Variants in CNTNAP5 observed in about 807,000 individuals in gnomAD.
The protein encoded by CNTNAP5 is contactin-associated protein-like 5.
A neutral mutation model predicts 150.2 loss-of-function variants in CNTNAP5; 72 were observed. That is an observed-to-expected ratio of 0.48 (90% CI 0.40 to 0.58). The LOEUF is 0.58. Among genes scored for constraint, CNTNAP5 ranks in the 20% least tolerant of loss-of-function variants. The pLI is 0.00. For missense variants in CNTNAP5, 1,636 were observed against 1,626.2 expected, an observed-to-expected ratio of 1.01 and a Z score of -0.10; for synonymous variants, 672 against 619.8, an observed-to-expected ratio of 1.08 and a Z score of -1.25.
At chr2:124,035,985 C>G (rs1291999793) in intron 1 of CNTNAP5, among the ~76,000 whole-genome samples, 1 of 125,232 alleles carries the variant, frequency 8.0e-6, no homozygotes, top group South Asian at 2.7e-4. Context: ...ACTGCAGTGG[C>G]GCAATCTCGG....
At chr2:124,126,603 C>CA (rs1045655949) in intron 1 of CNTNAP5, among the ~76,000 whole-genome samples, 2 of 149,692 alleles carry the variant, frequency 1.3e-5, no homozygotes, top group South Asian at 2.1e-4. Flanking sequence ...AGAGACACAA[C>CA]AAAAAAAGAG....
Position 124,609,932 on chromosome 2 carries a change from G to A in CNTNAP5, c.1876+12G>A. ...CTGCAATATCACTGGTAAGGGTGCA[G>A]TAGCCCTACTCACACTTAACCACCC... On this transcript the variant is annotated intron_variant, in intron 12 of 23. Transcript: ENST00000682447. The A allele has an allele frequency of 6.2e-7, 1 of 1,610,152 alleles. No homozygotes were observed. The highest frequency in any genetic ancestry group is 8.5e-7 in the Non-Finnish European group (1 of 1,176,900).
intron 1 of CNTNAP5, among the ~76,000 whole-genome samples, chr2:124,062,045 C>T (rs540847415): frequency 1.6e-5 from 2 of 123,486 alleles, no homozygotes; most frequent in East Asian, 2.5e-4. Context: ...CCACAGCCTC[C>T]GAGAGGTCTT....
At chr2:124,809,445 C>T (rs565795189) in intron 19 of CNTNAP5, among the ~76,000 whole-genome samples, 11 of 151,612 alleles carry the variant, frequency 7.3e-5, no homozygotes, top group Non-Finnish European at 1.3e-4. Context: ...GTCTCTCTCT[C>T]GCCCAGGCTG....
intron 18 of CNTNAP5, among the ~76,000 whole-genome samples, chr2:124,795,736 C>T (rs1036840419): frequency 2.6e-5 from 4 of 152,064 alleles, no homozygotes; most frequent in Non-Finnish European, 4.4e-5. Context: ...CAGGCTGGCC[C>T]GAACTCCTGA....
At chr2:124,638,834 A>G (rs942266075) in intron 12 of CNTNAP5, among the ~76,000 whole-genome samples, 1 of 152,180 alleles carries the variant, frequency 6.6e-6, no homozygotes, top group African/African-American at 2.4e-5. Context: ...ATCATTCTGG[A>G]TCAGTTTACA....
chr2:124,550,886 G>A (rs1276555027), intron 10 of CNTNAP5, among the ~76,000 whole-genome samples: 1 of 152,136 alleles, frequency 6.6e-6, no homozygotes, highest in African/African-American at 2.4e-5. Context: ...AGGTAGCAAT[G>A]TCTTGCTACT....
intron 7 of CNTNAP5, among the ~76,000 whole-genome samples, chr2:124,477,387 A>G (rs6541955): frequency 0.98 from 149,084 of 152,178 alleles, 73,105 homozygotes; most frequent in East Asian, 1. Flanking sequence ...ATTCAAGGGT[A>G]TGAGGCAGAG....
At chr2:124,383,452 G>A (rs182553507) in intron 3 of CNTNAP5, among the ~76,000 whole-genome samples, 1 of 152,196 alleles carries the variant, frequency 6.6e-6, no homozygotes, top group East Asian at 1.9e-4. Flanking sequence ...CCTGTTAACC[G>A]CAGTAATAAT....
intron 8 of CNTNAP5, among the ~76,000 whole-genome samples, chr2:124,506,828 A>G (rs1489029895): frequency 2.6e-5 from 4 of 152,182 alleles, no homozygotes; most frequent in Admixed American, 2.6e-4. Context: ...ATAAGGTCAC[A>G]ATTGAATTGC....
intron 16 of CNTNAP5, among the ~76,000 whole-genome samples, chr2:124,765,092 A>T (rs1265604323): frequency 1.3e-5 from 2 of 152,120 alleles, no homozygotes; most frequent in Admixed American, 1.3e-4. Context: ...AGCTATACAA[A>T]TAGATAAGGT....
chr2:124,114,853 A>G (rs1683387717), intron 1 of CNTNAP5, among the ~76,000 whole-genome samples: 1 of 151,498 alleles, frequency 6.6e-6, no homozygotes, highest in South Asian at 2.1e-4. Flanking sequence ...TATAATATTG[A>G]AGGTGGATTT....
chr2:124,632,340 T>A (rs1242763802), intron 12 of CNTNAP5, among the ~76,000 whole-genome samples: 1 of 152,090 alleles, frequency 6.6e-6, no homozygotes, highest in Admixed American at 6.5e-5. Context: ...AAAGAAAATG[T>A]GGTACATAAA....
intron 19 of CNTNAP5, among the ~76,000 whole-genome samples, chr2:124,850,522 T>A (rs1212643219): frequency 6.6e-6 from 1 of 152,130 alleles, no homozygotes; most frequent in Admixed American, 6.5e-5. Context: ...CCTTGAACCA[T>A]TAGAGGACAA....
intron 3 of CNTNAP5, among the ~76,000 whole-genome samples, chr2:124,359,325 G>T (rs2104712401): frequency 6.6e-6 from 1 of 151,080 alleles, no homozygotes; most frequent in African/African-American, 2.4e-5. Flanking sequence ...CCTGATTTTA[G>T]TTATTTCTTG....
chr2:124,632,266 A>T (rs1677876490), intron 12 of CNTNAP5, among the ~76,000 whole-genome samples: 1 of 152,328 alleles, frequency 6.6e-6, no homozygotes, highest in South Asian at 2.1e-4. Flanking sequence ...TGTTCAATGC[A>T]GCACTATTCA....
intron 13 of CNTNAP5, among the ~76,000 whole-genome samples, chr2:124,685,761 TGCGCGC>T (rs60811602): frequency 3.7e-5 from 5 of 133,818 alleles, no homozygotes; most frequent in African/African-American, 1.4e-4. Context: ...TGTGTGTGTG[TGCGCGC>T]GCGTGTTATT....
In CNTNAP5 at chr2:124,599,324, T is replaced by C. The variant is rs187159184; in HGVS notation, c.1757-10477T>C. Among the ~76,000 whole-genome samples the C allele has an allele frequency of 2.1e-3, 318 of 152,276 alleles. 1 individual carries two copies. Among genetic ancestry groups the C allele is most frequent in the African/African-American group, 7.5e-3 (311 of 41,584 alleles). On this transcript the variant is annotated intron_variant, in intron 11 of 23. Transcript: ENST00000682447. ...TTTCTACTGATTTGAGTTGCCTTTA[T>C]CAACAAATATCTATAGTTGTGAATT...
intron 13 of CNTNAP5, among the ~76,000 whole-genome samples, chr2:124,701,759 T>C (rs571585329): frequency 2.7e-4 from 41 of 152,262 alleles, no homozygotes; most frequent in Middle Eastern, 6.8e-3. Context: ...ATTTCCTTGA[T>C]GATGAATGAT....
Sources: allele counts gnomAD v4.1 joint callset (sites outside exome capture counted in the v4.1 genomes callset), GRCh38; gene constraint gnomAD v4.1.1; transcripts MANE v1.5; gene names NCBI Gene and HGNC (gene_info 2026-07-23, HGNC 2026-07-21).